The following TGFBR3 variants were observed in gnomAD, a reference collection of about 807,000 sequenced individuals.
TGFBR3 encodes the protein transforming growth factor beta receptor 3, also known as transforming growth factor beta receptor type 3.
Under a neutral mutation model 87.9 loss-of-function variants are expected in TGFBR3, and 46 were observed. That is an observed-to-expected ratio of 0.52 (90% CI 0.41 to 0.67). The LOEUF (loss-of-function observed/expected upper bound fraction) is 0.67, where lower values mean the gene tolerates loss of function less well. Among genes scored for constraint, TGFBR3 ranks in the 30% least tolerant of loss-of-function variants. The probability of loss-of-function intolerance (pLI) is 0.00; values close to 1 mark genes in which losing one functional copy is unlikely to be tolerated. For missense variants in TGFBR3, 866 were observed against 1,041.9 expected (o/e 0.83, Z 2.32); for synonymous variants, 381 against 391.6 (o/e 0.97, Z 0.32).
At chr1:91,708,884 C>T (rs1671888456) in intron 13 of TGFBR3, 101 bp from the exon 14 acceptor site, 2 of 1,480,646 alleles carry the variant, frequency 1.4e-6, no homozygotes, top group South Asian at 2.4e-5. Flanking sequence ...TCAGACAGCA[C>T]ACAGCTGTTC....
At chr1:91,745,712 T>C (rs1557688971) in intron 4 of TGFBR3, among the ~76,000 whole-genome samples, 1 of 152,234 alleles carries the variant, frequency 6.6e-6, no homozygotes, top group Non-Finnish European at 1.5e-5. Context: ...TCTGAAGCCA[T>C]GTGATGTGAA....
chr1:91,805,577 A>G (rs1675796783), intron 2 of TGFBR3, among the ~76,000 whole-genome samples: 1 of 152,220 alleles, frequency 6.6e-6, no homozygotes, highest in Non-Finnish European at 1.5e-5. Flanking sequence ...GACCACGGCC[A>G]CACTGCCAAG....
chr1:91,835,827 C>CAAAAAAAAAAAAAAAA (rs57326419), intron 2 of TGFBR3, among the ~76,000 whole-genome samples: 1 of 74,746 alleles, frequency 1.3e-5, no homozygotes. Flanking sequence ...GACTCCACCT[C>CAAAAAAAAAAAAAAAA]AAAAAAAAAA....
intron 1 of TGFBR3, among the ~76,000 whole-genome samples, chr1:91,864,514 T>G (rs985454262): frequency 1.3e-5 from 2 of 152,262 alleles, no homozygotes; most frequent in African/African-American, 4.8e-5. Flanking sequence ...GGAGCTTTTC[T>G]TCTTTTAGCT....
At chr1:91,819,071 C>G (rs1485176321) in intron 2 of TGFBR3, among the ~76,000 whole-genome samples, 1 of 152,130 alleles carries the variant, frequency 6.6e-6, no homozygotes, top group Non-Finnish European at 1.5e-5. Context: ...CAGAAACAAT[C>G]CTTAAATCCT....
intron 9 of TGFBR3, 127 bp from the exon 10 acceptor site, chr1:91,719,591 C>A: frequency 8.3e-7 from 1 of 1,203,230 alleles, no homozygotes; most frequent in Non-Finnish European, 1.2e-6. Context: ...TGCCCCTTCC[C>A]CAAGTATCTC....
At chr1:91,884,244 C>A (rs1474223729) in intron 1 of TGFBR3, among the ~76,000 whole-genome samples, 1 of 150,976 alleles carries the variant, frequency 6.6e-6, no homozygotes, top group Non-Finnish European at 1.5e-5. Context: ...CTCTTGAACC[C>A]GGGAGGTGGA....
chr1:91,686,943 A>G (rs983164087), intron 16 of TGFBR3, among the ~76,000 whole-genome samples: 5 of 152,238 alleles, frequency 3.3e-5, no homozygotes, highest in African/African-American at 1.2e-4. Flanking sequence ...CTTGGCCAGC[A>G]GAGGAAATGT....
chr1:91,721,906 C>T, intron 8 of TGFBR3, 49 bp downstream of exon 8: 1 of 1,563,874 alleles, frequency 6.4e-7, no homozygotes, highest in Non-Finnish European at 8.8e-7. Flanking sequence ...ACTGGAAAAG[C>T]TTCATTTGGG....
chr1:91,792,930 G>C (rs565250628), intron 3 of TGFBR3, among the ~76,000 whole-genome samples: 1 of 152,268 alleles, frequency 6.6e-6, no homozygotes, highest in Admixed American at 6.5e-5. Flanking sequence ...TGTTGTTTCC[G>C]AAACCAATGA....
At chr1:91,905,290 CTT>C (rs1679822175) in intron 1 of TGFBR3, among the ~76,000 whole-genome samples, 1 of 152,162 alleles carries the variant, frequency 6.6e-6, no homozygotes, top group Non-Finnish European at 1.5e-5. Context: ...TTATTTAACA[CTT>C]TTCTCTAGGG....
At chr1:91,871,351 T>C (rs372944654) in intron 1 of TGFBR3, among the ~76,000 whole-genome samples, 1 of 152,152 alleles carries the variant, frequency 6.6e-6, no homozygotes, top group African/African-American at 2.4e-5. Flanking sequence ...GCAGTTTTAG[T>C]TTACTTCATT....
At chr1:91,868,160 A>G (rs1678452006) in intron 1 of TGFBR3, among the ~76,000 whole-genome samples, 1 of 152,216 alleles carries the variant, frequency 6.6e-6, no homozygotes, top group South Asian at 2.1e-4. Context: ...TCAGGTGATC[A>G]ACCCACCTCA....
intron 3 of TGFBR3, among the ~76,000 whole-genome samples, chr1:91,767,935 G>A (rs867744991): frequency 2.3e-4 from 35 of 151,812 alleles, no homozygotes; most frequent in African/African-American, 6.8e-4. Context: ...TGTGTTGGCC[G>A]GGTGCAGTGA....
At chr1:91,885,576 G>A (rs1296781266) in intron 1 of TGFBR3, among the ~76,000 whole-genome samples, 1 of 152,180 alleles carries the variant, frequency 6.6e-6, no homozygotes, top group East Asian at 1.9e-4. Context: ...AGAAGGACCC[G>A]CGGAGAGGAA....
intron 2 of TGFBR3, among the ~76,000 whole-genome samples, chr1:91,860,688 T>C (rs1488554504): frequency 6.6e-6 from 1 of 152,078 alleles, no homozygotes; most frequent in Admixed American, 6.6e-5. Context: ...TCCCAGCACT[T>C]TGGGAGACCA....
At chr1:91,755,266 G>A (rs543688837) in intron 4 of TGFBR3, among the ~76,000 whole-genome samples, 6 of 152,290 alleles carry the variant, frequency 3.9e-5, no homozygotes, top group Admixed American at 3.9e-4. Context: ...AGGCTATCAA[G>A]GAGATGAGGA....
At chr1:91,850,279 C>CA (rs1416515868) in intron 2 of TGFBR3, among the ~76,000 whole-genome samples, 1 of 151,984 alleles carries the variant, frequency 6.6e-6, no homozygotes, top group Non-Finnish European at 1.5e-5. Flanking sequence ...AAAGAAAAGG[C>CA]AAAATAAGTG....
intron 5 of TGFBR3, among the ~76,000 whole-genome samples, chr1:91,734,127 T>C (rs1394721969): frequency 6.6e-6 from 1 of 151,374 alleles, no homozygotes; most frequent in East Asian, 1.9e-4. Context: ...GGTTTTTTGT[T>C]TTTGTTTTTG....
Sources: allele counts gnomAD v4.1 joint callset (sites outside exome capture counted in the v4.1 genomes callset), GRCh38; gene constraint gnomAD v4.1.1; transcripts MANE v1.5; gene names NCBI Gene and HGNC (gene_info 2026-07-23, HGNC 2026-07-21).